TMEM45A: variants seen among roughly 807,000 people sequenced by gnomAD.
The protein encoded by TMEM45A is DNA polymerase-transactivated protein 4.
A neutral mutation model predicts 32.0 loss-of-function variants in TMEM45A; 25 were observed. The observed-to-expected ratio is 0.78, with a 90% CI of 0.57 to 1.09. TMEM45A has a LOEUF of 1.09. Ranked by LOEUF, TMEM45A falls within the 50% of genes least tolerant of loss-of-function variation. The pLI is 0.00. For missense variants in TMEM45A, 302 were observed against 325.0 expected (o/e 0.93, Z 0.54); for synonymous variants, 122 against 114.8 (o/e 1.06, Z -0.40).
At chr3:100,500,115 A>G (rs1329367915) in intron 1 of TMEM45A, among the ~76,000 whole-genome samples, 2 of 152,162 alleles carry the variant, frequency 1.3e-5, no homozygotes, top group African/African-American at 2.4e-5. Context: ...CTCTCCCCAC[A>G]ATTAAACTTT....
intron 1 of TMEM45A, among the ~76,000 whole-genome samples, chr3:100,542,879 C>A (rs67348505): frequency 6.6e-6 from 1 of 151,846 alleles, no homozygotes; most frequent in Admixed American, 6.6e-5. Flanking sequence ...CATTGGGGAC[C>A]ACTAGAGGAG....
chr3:100,497,850 A>T (rs1576253419), intron 1 of TMEM45A, among the ~76,000 whole-genome samples: 3 of 152,302 alleles, frequency 2.0e-5, no homozygotes, highest in South Asian at 4.1e-4. Flanking sequence ...ATGATTAGTT[A>T]TGTGTCAACT....
At chr3:100,568,151 A>G (rs1203053989) in intron 4 of TMEM45A, among the ~76,000 whole-genome samples, 1 of 152,168 alleles carries the variant, frequency 6.6e-6, no homozygotes, top group East Asian at 1.9e-4. Context: ...TGTTTTGTAT[A>G]TTGATTTTGT....
intron 1 of TMEM45A, among the ~76,000 whole-genome samples, chr3:100,511,849 A>C (rs1708168975): frequency 6.6e-6 from 1 of 152,098 alleles, no homozygotes; most frequent in Non-Finnish European, 1.5e-5. Context: ...ACAGACTTTA[A>C]ACCAACAAAG....
At chr3:100,567,198 A>G (rs1298267294) in intron 4 of TMEM45A, among the ~76,000 whole-genome samples, 1 of 151,852 alleles carries the variant, frequency 6.6e-6, no homozygotes, top group African/African-American at 2.4e-5. Context: ...TATATGAGGT[A>G]GGGGTCCAAA....
intron 5 of TMEM45A, 121 bp from the exon 6 acceptor site, chr3:100,576,804 T>C (rs1706697676): frequency 2.4e-5 from 19 of 790,880 alleles, no homozygotes; most frequent in Non-Finnish European, 3.4e-5. Flanking sequence ...GTAATTTTCC[T>C]TTTTGGGTTG....
At chr3:100,555,531 A>G in intron 2 of TMEM45A, 130 bp downstream of exon 2, 2 of 930,414 alleles carry the variant, frequency 2.1e-6, no homozygotes, top group Non-Finnish European at 3.1e-6. Context: ...CCTATCAAAA[A>G]CCATTTTGCA....
intron 1 of TMEM45A, among the ~76,000 whole-genome samples, chr3:100,534,213 A>G (rs1169657991): frequency 1.3e-5 from 2 of 152,168 alleles, no homozygotes; most frequent in African/African-American, 2.4e-5. Context: ...GAGGGTTGTG[A>G]TAAGCTGAAT....
At chr3:100,537,701 C>A (rs1180111655) in intron 1 of TMEM45A, among the ~76,000 whole-genome samples, 1 of 152,240 alleles carries the variant, frequency 6.6e-6, no homozygotes, top group Non-Finnish European at 1.5e-5. Context: ...ACAGGGCATT[C>A]TCTGTAGATT....
chr3:100,516,050 A>G (rs908467766), intron 1 of TMEM45A, among the ~76,000 whole-genome samples: 1 of 152,222 alleles, frequency 6.6e-6, no homozygotes, highest in African/African-American at 2.4e-5. Flanking sequence ...GATATCCCAG[A>G]TACTCTAACT....
At chr3:100,554,594 G>C (rs889430353) in intron 1 of TMEM45A, among the ~76,000 whole-genome samples, 3 of 152,084 alleles carry the variant, frequency 2.0e-5, no homozygotes, top group African/African-American at 7.2e-5. Context: ...GTGGGGAGCA[G>C]CACACAGATA....
chr3:100,574,938 A>AGTT (rs1706650475), intron 5 of TMEM45A, among the ~76,000 whole-genome samples: 1 of 152,222 alleles, frequency 6.6e-6, no homozygotes, highest in African/African-American at 2.4e-5. Flanking sequence ...TATAAACTTA[A>AGTT]GCAATAGCTT....
At chr3:100,536,152 C>A (rs1705736057) in intron 1 of TMEM45A, among the ~76,000 whole-genome samples, 1 of 152,094 alleles carries the variant, frequency 6.6e-6, no homozygotes, top group Non-Finnish European at 1.5e-5. Context: ...ATGCACAGAA[C>A]CCCTCACCCT....
intron 1 of TMEM45A, among the ~76,000 whole-genome samples, chr3:100,519,817 G>A (rs1705400903): frequency 6.6e-6 from 1 of 152,112 alleles, no homozygotes; most frequent in East Asian, 1.9e-4. Context: ...ATTTTATGTT[G>A]GGATCTAGCA....
chr3:100,525,921 G>C (rs891292748), intron 1 of TMEM45A, among the ~76,000 whole-genome samples: 1 of 152,120 alleles, frequency 6.6e-6, no homozygotes, highest in Non-Finnish European at 1.5e-5. Flanking sequence ...CCACAGTCCT[G>C]CCCTTGGAGG....
intron 4 of TMEM45A, among the ~76,000 whole-genome samples, chr3:100,560,400 T>A (rs1269517533): frequency 6.6e-6 from 1 of 152,156 alleles, no homozygotes; most frequent in Non-Finnish European, 1.5e-5. Flanking sequence ...TAGTTTGTAG[T>A]TTTTTTGATG....
intron 1 of TMEM45A, 44 bp from the exon 2 acceptor site, chr3:100,555,165 G>A (rs751204760): frequency 3.6e-5 from 55 of 1,513,032 alleles, no homozygotes; most frequent in Non-Finnish European, 4.4e-5. Flanking sequence ...CCAGATTCTG[G>A]CAATGAAATG....
intron 1 of TMEM45A, among the ~76,000 whole-genome samples, chr3:100,511,786 G>A (rs377642689): frequency 2.3e-4 from 35 of 151,998 alleles, no homozygotes; most frequent in African/African-American, 5.3e-4. Context: ...AAGATCTACC[G>A]AGCAAATGGA....
At chr3:100,518,197 G>A (rs1705340755) in intron 1 of TMEM45A, among the ~76,000 whole-genome samples, 1 of 152,218 alleles carries the variant, frequency 6.6e-6, no homozygotes, top group South Asian at 2.1e-4. Context: ...CCCACAGATT[G>A]CATAGCTGGT....
Sources: allele counts gnomAD v4.1 joint callset (sites outside exome capture counted in the v4.1 genomes callset), GRCh38; gene constraint gnomAD v4.1.1; transcripts MANE v1.5; gene names NCBI Gene and HGNC (gene_info 2026-07-23, HGNC 2026-07-21).